Variants in TNR observed in about 807,000 individuals in gnomAD.
The protein encoded by TNR is tenascin-R.
TNR carries 45 observed loss-of-function variants against 150.4 expected under a neutral mutation model. That is an observed-to-expected ratio of 0.30 (90% confidence interval 0.24 to 0.38). The LOEUF (loss-of-function observed/expected upper bound fraction) is 0.38. Ranked by LOEUF, TNR falls within the 10% of genes least tolerant of loss-of-function variation. The pLI is 1.00. For synonymous variants in TNR, 687 were observed against 678.4 expected, an observed-to-expected ratio of 1.01 and a Z score of -0.20; for missense variants, 1,544 against 1,759.1, an observed-to-expected ratio of 0.88 and a Z score of 2.19.
intron 1 of TNR, among the ~76,000 whole-genome samples, chr1:175,656,019 T>A (rs371103713): frequency 1.5e-4 from 23 of 152,102 alleles, no homozygotes; most frequent in African/African-American, 5.3e-4. Context: ...CACCAAGCTA[T>A]GTGCCCCATG....
intron 1 of TNR, among the ~76,000 whole-genome samples, chr1:175,707,940 G>A: frequency 6.6e-6 from 1 of 151,986 alleles, no homozygotes; most frequent in Middle Eastern, 3.2e-3. Flanking sequence ...TGAATTAACT[G>A]TGCAATTAAC....
intron 2 of TNR, among the ~76,000 whole-genome samples, chr1:175,482,201 G>A (rs1334826372): frequency 2.0e-5 from 3 of 152,206 alleles, no homozygotes; most frequent in African/African-American, 4.8e-5. Flanking sequence ...AAGTCCACTA[G>A]GCTGCACTGT....
At chr1:175,476,908 A>T (rs1224405119) in intron 2 of TNR, among the ~76,000 whole-genome samples, 4 of 152,292 alleles carry the variant, frequency 2.6e-5, no homozygotes, top group East Asian at 1.9e-4. Context: ...AGCATCTATT[A>T]TCTAGGCCTA....
intron 3 of TNR, among the ~76,000 whole-genome samples, chr1:175,405,246 C>T (rs1489915399): frequency 6.6e-6 from 1 of 152,204 alleles, no homozygotes; most frequent in Non-Finnish European, 1.5e-5. Flanking sequence ...ATAGCTGTTG[C>T]TTATACGTTA....
intron 4 of TNR, among the ~76,000 whole-genome samples, chr1:175,401,569 T>C (rs546438668): frequency 6.6e-6 from 1 of 152,316 alleles, no homozygotes; most frequent in East Asian, 1.9e-4. Flanking sequence ...AATAATTGGA[T>C]ATGGAAAAAA....
chr1:175,531,736 C>T (rs1418001992), intron 1 of TNR, among the ~76,000 whole-genome samples: 2 of 152,200 alleles, frequency 1.3e-5, no homozygotes, highest in African/African-American at 4.8e-5. Context: ...TGCAACAGCT[C>T]ATCTTTGGAA....
chr1:175,721,194 C>A (rs948202955), intron 1 of TNR, among the ~76,000 whole-genome samples: 1 of 152,202 alleles, frequency 6.6e-6, no homozygotes, highest in African/African-American at 2.4e-5. Flanking sequence ...AGCAGCCCCA[C>A]CTCTACTTCC....
chr1:175,445,965 G>A (rs565054483), intron 2 of TNR, among the ~76,000 whole-genome samples: 106 of 152,242 alleles, frequency 7.0e-4, no homozygotes, highest in Non-Finnish European at 1.3e-3. Context: ...GGAAACACAC[G>A]GTTCCTGTGT....
chr1:175,393,988 C>A, intron 5 of TNR, 93 bp from the exon 6 acceptor site: 1 of 1,011,114 alleles, frequency 9.9e-7, no homozygotes, highest in Non-Finnish European at 1.5e-6. Context: ...TCCCTCCACG[C>A]CATGGGCGTG....
chr1:175,512,853 C>T (rs1659246845), intron 2 of TNR, among the ~76,000 whole-genome samples: 1 of 152,208 alleles, frequency 6.6e-6, no homozygotes, highest in Non-Finnish European at 1.5e-5. Flanking sequence ...ATGGATCCTG[C>T]AACACACTTC....
intron 2 of TNR, among the ~76,000 whole-genome samples, chr1:175,497,232 C>T (rs938154583): frequency 3.3e-5 from 5 of 152,206 alleles, no homozygotes; most frequent in Non-Finnish European, 7.3e-5. Flanking sequence ...CCCTTCACTT[C>T]TCCTCGGTTT....
At chr1:175,609,023 T>C (rs959221465) in intron 1 of TNR, among the ~76,000 whole-genome samples, 18 of 152,232 alleles carry the variant, frequency 1.2e-4, no homozygotes, top group Non-Finnish European at 2.1e-4. Flanking sequence ...CAAAAGGGAA[T>C]ACTCCTCACA....
chr1:175,636,090 A>T (rs1664484334), intron 1 of TNR, among the ~76,000 whole-genome samples: 1 of 152,110 alleles, frequency 6.6e-6, no homozygotes, highest in Non-Finnish European at 1.5e-5. Context: ...CTGATGGATC[A>T]TCCTTATGTT....
At chr1:175,702,629 A>G (rs1666729744) in intron 1 of TNR, among the ~76,000 whole-genome samples, 2 of 152,128 alleles carry the variant, frequency 1.3e-5, no homozygotes, top group South Asian at 2.1e-4. Context: ...GTGTGTGTGT[A>G]TACAGAGCAG....
intron 2 of TNR, among the ~76,000 whole-genome samples, chr1:175,498,764 A>G (rs1391458900): frequency 6.6e-6 from 1 of 152,214 alleles, no homozygotes; most frequent in Non-Finnish European, 1.5e-5. Context: ...AAACCTGACG[A>G]TATAAAAGTC....
chr1:175,376,032 C>A (rs539978696), intron 9 of TNR, among the ~76,000 whole-genome samples: 1 of 152,216 alleles, frequency 6.6e-6, no homozygotes, highest in South Asian at 2.1e-4. Context: ...ACTTCCACAG[C>A]TGTGCTCTAA....
At chr1:175,502,240 C>G (rs75762997) in intron 2 of TNR, among the ~76,000 whole-genome samples, 1 of 152,112 alleles carries the variant, frequency 6.6e-6, no homozygotes, top group Non-Finnish European at 1.5e-5. Context: ...TCCCACGTAA[C>G]CCTAATATGC....
chr1:175,620,035 A>G (rs1409146802), intron 1 of TNR, among the ~76,000 whole-genome samples: 2 of 152,242 alleles, frequency 1.3e-5, no homozygotes, highest in African/African-American at 4.8e-5. Flanking sequence ...ATGGAAGGTA[A>G]AGTGCTGTGT....
intron 1 of TNR, among the ~76,000 whole-genome samples, chr1:175,678,798 T>G (rs1327257777): frequency 6.6e-6 from 1 of 152,116 alleles, no homozygotes; most frequent in Non-Finnish European, 1.5e-5. Context: ...GGAGGAGAGA[T>G]AGAGAATCCC....
Sources: allele counts gnomAD v4.1 joint callset (sites outside exome capture counted in the v4.1 genomes callset), GRCh38; gene constraint gnomAD v4.1.1; transcripts MANE v1.5; gene names NCBI Gene and HGNC (gene_info 2026-07-23, HGNC 2026-07-21).